Variants in CDC25C observed in about 807,000 individuals in gnomAD.
CDC25C encodes M-phase inducer phosphatase 3.
A neutral mutation model predicts 52.5 loss-of-function variants in CDC25C; 48 were observed. The observed-to-expected ratio is 0.91, with a 90% CI of 0.72 to 1.16. CDC25C has a LOEUF of 1.16. Ranked by LOEUF, CDC25C falls within the 50% of genes most tolerant of loss-of-function variation. The pLI is 0.00. For synonymous variants in CDC25C, 187 were observed against 206.5 expected, an observed-to-expected ratio of 0.91 and a Z score of 0.81; for missense variants, 510 against 566.1, an observed-to-expected ratio of 0.90 and a Z score of 1.01.
intron 8 of CDC25C, among the ~76,000 whole-genome samples, chr5:138,291,128 A>AT: frequency 6.6e-6 from 1 of 151,882 alleles, no homozygotes; most frequent in African/African-American, 2.4e-5. Flanking sequence ...TTAATTTTTT[A>AT]TTTTATTTTT....
chr5:138,325,950 A>G, intron 5 of CDC25C, 46 bp from the exon 6 acceptor site: 1 of 1,610,186 alleles, frequency 6.2e-7, no homozygotes, highest in South Asian at 1.1e-5. Context: ...CTCAAGCCAC[A>G]GGTGCAATGG....
intron 7 of CDC25C, among the ~76,000 whole-genome samples, chr5:138,300,796 C>A (rs148833236): frequency 6.6e-6 from 1 of 152,188 alleles, no homozygotes; most frequent in East Asian, 1.9e-4. Context: ...AAAATATATT[C>A]TTGACAATCG....
At chr5:138,306,322 G>C (rs1474898151) in intron 7 of CDC25C, among the ~76,000 whole-genome samples, 2 of 151,916 alleles carry the variant, frequency 1.3e-5, no homozygotes, top group Admixed American at 6.6e-5. Flanking sequence ...GTTCACCATC[G>C]TATCACCAGT....
Position 138,325,903 on chromosome 5 carries a change from G to A in CDC25C, c.371C>T (p.Ala124Val), listed in dbSNP as rs770155049. 4 of 1,613,930 alleles carry A rather than the reference G, an allele frequency of 2.5e-6. No individual in the cohort carries two copies. The South Asian group carries it at 4.4e-5, about 18-fold the overall frequency. Residue 124 changes from alanine to valine, a missense_variant and splice_region_variant, in exon 6 of 14, where the codon GCA (alanine) becomes GTA (valine). Transcript: ENST00000323760. ...ATTCGGAGTGCTACAAAGAAGCTGT[G>A]CCTAAAAAAGAGAGTTTGCTGAGAA... ...HDQHLMKCSPAQLLCSTPNGL... is the reference protein window; with the variant it reads ...HDQHLMKCSPVQLLCSTPNGL...
At chr5:138,322,775 C>A (rs1484199827) in intron 6 of CDC25C, among the ~76,000 whole-genome samples, 2 of 151,262 alleles carry the variant, frequency 1.3e-5, no homozygotes, top group Non-Finnish European at 3.0e-5. Flanking sequence ...GCGCCCGGCC[C>A]TGGCTAATTT....
At chr5:138,302,097 C>T (rs995161796) in intron 7 of CDC25C, among the ~76,000 whole-genome samples, 7 of 152,012 alleles carry the variant, frequency 4.6e-5, no homozygotes, top group African/African-American at 9.6e-5. Flanking sequence ...CTGATTCAAG[C>T]GATTCTCCTG....
exon 1 of CDC25C, chr5:138,338,258 G>A (rs1429658209): frequency 4.8e-6 from 5 of 1,034,588 alleles, no homozygotes; most frequent in African/African-American, 1.6e-5. Flanking sequence ...GGGGCGAACC[G>A]AGCGCTCAGA....
intron 6 of CDC25C, among the ~76,000 whole-genome samples, chr5:138,320,295 G>A (rs886487459): frequency 1.2e-4 from 18 of 151,122 alleles, no homozygotes; most frequent in African/African-American, 4.4e-4. Context: ...ACAGGGCAAA[G>A]ACTCCATCTT....
At chr5:138,338,017 T>G (rs1185274554) in exon 1 of CDC25C, 1 of 1,289,638 alleles carries the variant, frequency 7.8e-7, no homozygotes, top group African/African-American at 1.5e-5. Flanking sequence ...GGCCGTCCAC[T>G]TTCTGCGATA....
Position 138,294,751 on chromosome 5 carries a change from G to A in CDC25C, c.616-2635C>T, listed in dbSNP as rs1035406967. Among the ~76,000 whole-genome samples, 209 of 151,984 alleles carry A rather than the reference G, an allele frequency of 1.4e-3. 1 individual carries two copies. Among genetic ancestry groups the A allele is most frequent in the African/African-American group, 4.6e-3 (190 of 41,450 alleles). On this transcript the variant is annotated intron_variant, in intron 7 of 13. Transcript: ENST00000323760. The stretch of plus-strand genomic sequence containing the variant: ...GATCTTCTGACCTCATGATCTGCCC[G>A]CCTCGGCCCTCCAAAGTGCTGGGAT...
At chr5:138,302,607 G>T (rs1757712660) in intron 7 of CDC25C, among the ~76,000 whole-genome samples, 1 of 151,454 alleles carries the variant, frequency 6.6e-6, no homozygotes. Flanking sequence ...GCTGAGGCAG[G>T]AGAATCGCTT....
chr5:138,288,474 A>C (rs1418841165), intron 10 of CDC25C, among the ~76,000 whole-genome samples: 1 of 152,118 alleles, frequency 6.6e-6, no homozygotes, highest in African/African-American at 2.4e-5. Context: ...AGGAGGGTGG[A>C]TCACCAGAGG....
At position 138,300,503 on chromosome 5, in the gene CDC25C, C is replaced by T. The variant is rs545068930; in HGVS notation, c.616-8387G>A. Among the ~76,000 whole-genome samples the T allele has an allele frequency of 4.0e-5, 6 of 151,668 alleles. No individual in the cohort carries two copies. In the East Asian group the frequency reaches 9.7e-4, roughly 25 times the overall value. On this transcript the variant is annotated intron_variant, in intron 7 of 13. Coordinates refer to ENST00000323760, the MANE Select transcript of CDC25C (RefSeq NM_001790.5). ...GTTTGTGTTCAGGAGGTTGAGGCTG[C>T]AGTGAGCCGTGATTGTGCTACTGCA...
At chr5:138,320,623 C>T (rs375678318) in intron 6 of CDC25C, among the ~76,000 whole-genome samples, 1 of 151,912 alleles carries the variant, frequency 6.6e-6, no homozygotes, top group African/African-American at 2.4e-5. Flanking sequence ...AGTTTGAGAC[C>T]AGCCTGGGCA....
intron 7 of CDC25C, among the ~76,000 whole-genome samples, chr5:138,306,114 C>T (rs1390715535): frequency 6.6e-6 from 1 of 152,138 alleles, no homozygotes; most frequent in African/African-American, 2.4e-5. Context: ...TTGGCTGGGC[C>T]TTACTTTGTT....
chr5:138,322,982 T>C (rs1322804561), intron 6 of CDC25C, among the ~76,000 whole-genome samples: 1 of 151,782 alleles, frequency 6.6e-6, no homozygotes, highest in Admixed American at 6.6e-5. Flanking sequence ...TCTCACTTTG[T>C]CACCTGTCCA....
At chr5:138,325,731 A>T (rs1759796687) in intron 6 of CDC25C, 84 bp downstream of exon 6, 1 of 901,118 alleles carries the variant, frequency 1.1e-6, no homozygotes, top group Non-Finnish European at 1.8e-6. Context: ...AGGTATAAAC[A>T]GTTCTATGTC....
At chr5:138,322,311 A>G (rs934378857) in intron 6 of CDC25C, among the ~76,000 whole-genome samples, 1 of 147,536 alleles carries the variant, frequency 6.8e-6, no homozygotes, top group Non-Finnish European at 1.5e-5. Flanking sequence ...TATAATTATT[A>G]TTATTTGAGA....
upstream of CDC25C, chr5:138,333,731 G>C (rs934745996): frequency 3.3e-5 from 5 of 152,172 alleles, no homozygotes; most frequent in African/African-American, 7.2e-5. Flanking sequence ...TTCTGCACCA[G>C]GTCCTCAAGT....
Sources: gnomAD v4.1 joint callset for allele counts (sites outside exome capture counted in the v4.1 genomes callset) on GRCh38, gnomAD v4.1.1 for gene constraint, MANE v1.5 for transcripts, NCBI Gene and HGNC (gene_info 2026-07-23, HGNC 2026-07-21) for gene names.